The following SGK1 variants were observed in gnomAD, a reference collection of about 807,000 sequenced individuals.
The protein encoded by SGK1 is serum/glucocorticoid regulated kinase 1, also known as serine/threonine-protein kinase Sgk1.
Under a neutral mutation model 64.2 loss-of-function variants are expected in SGK1, and 26 were observed. That is an observed-to-expected ratio of 0.40 (90% CI 0.30 to 0.56). The LOEUF (loss-of-function observed/expected upper bound fraction) is 0.56. SGK1 is among the 20% of genes least tolerant of loss of function. The pLI is 0.38. For missense variants in SGK1, 519 were observed against 645.6 expected (o/e 0.80, Z 2.12); for synonymous variants, 265 against 239.7 (o/e 1.11, Z -0.98).
chr6:134,219,067 C>T (rs1015631607), intron 2 of SGK1, among the ~76,000 whole-genome samples: 14 of 152,122 alleles, frequency 9.2e-5, no homozygotes, highest in African/African-American at 2.9e-4. Context: ...ACTGCAGCCT[C>T]GGTCTCCCAG....
At chr6:134,212,052 GTTTTTTGT>G (rs1189892263) in intron 2 of SGK1, among the ~76,000 whole-genome samples, 125 of 84,940 alleles carry the variant, frequency 1.5e-3, no homozygotes, top group African/African-American at 3.9e-3. Flanking sequence ...TTTGTTTTTT[GTTTTTTGT>G]TTTTTTTGGG....
At chr6:134,304,781 A>C (rs1383158452) in intron 1 of SGK1, among the ~76,000 whole-genome samples, 1 of 152,204 alleles carries the variant, frequency 6.6e-6, no homozygotes, top group Admixed American at 6.5e-5. Flanking sequence ...TGAAAAACAC[A>C]TAAGAGGAGA....
intron 2 of SGK1, among the ~76,000 whole-genome samples, chr6:134,236,674 C>A (rs553663717): frequency 6.6e-6 from 1 of 152,122 alleles, no homozygotes; most frequent in South Asian, 2.1e-4. Flanking sequence ...CACACACAGA[C>A]CCACACACAA....
chr6:134,197,886 TAAA>T lies in SGK1; in HGVS notation c.361+9467_361+9469del, dbSNP rs1562247655. Among the ~76,000 whole-genome samples the T allele has an allele frequency of 2.1e-4, 18 of 86,940 alleles. 1 individual carries two copies. The highest frequency in any genetic ancestry group is 9.0e-4 in the East Asian group (4 of 4,456). 57.0% of individuals were successfully genotyped at this position (86,940 alleles called of 152,430 possible). ...AATTAAAATAAAATAAAATATAAAA[TAAA>T]ATAAAATAAAATATAAAATAAAATA... On this transcript the variant is annotated intron_variant, in intron 3 of 13. Coordinates refer to ENST00000367858, the MANE Select transcript of SGK1 (RefSeq NM_001143676.3).
In SGK1 at chr6:134,269,010, TA is replaced by T. The variant is rs1158465170; in HGVS notation, c.70-6863del. On this transcript the variant is annotated intron_variant, in intron 1 of 13. Transcript: ENST00000367858. ...AGTCTAGAAAATTGCCAGATGTGAT[TA>T]AAGAGATTGGCTGGCTTCTAGGGAT... is the stretch of plus-strand genomic sequence containing the variant. Among the ~76,000 whole-genome samples the T allele has an allele frequency of 1.4e-5, 2 of 147,058 alleles. 1 individual carries two copies. Among genetic ancestry groups the T allele is most frequent in the East Asian group, 4.9e-4 (2 of 4,100 alleles).
chr6:134,286,760 C>A (rs1460066881), intron 1 of SGK1, among the ~76,000 whole-genome samples: 1 of 152,050 alleles, frequency 6.6e-6, no homozygotes, highest in African/African-American at 2.4e-5. Context: ...AGCCACTGTG[C>A]CTGGCCTAAA....
chr6:134,206,369 ATATATATATATATATTTTTTTTTTTTT>A (rs1465326993), intron 3 of SGK1, among the ~76,000 whole-genome samples: 10 of 7,490 alleles, frequency 1.3e-3, no homozygotes, highest in African/African-American at 2.7e-3. Context: ...ATATATATAT[ATATATATATATATATTTTTTTTTTTTT>A]TTTTTTTTTT....
At position 134,177,952 on chromosome 6, in the gene SGK1, A is replaced by T. The variant is rs975970724; in HGVS notation, c.362-3366T>A. 157 of 895,052 alleles carry T rather than the reference A, an allele frequency of 1.8e-4. 4 individuals carry two copies. Among genetic ancestry groups the T allele is most frequent in the Non-Finnish European group, 4.5e-5 (27 of 600,682 alleles). The allele number at this position is 895,052 out of a possible 1,614,324, so 55.4% of individuals were successfully genotyped here. On this transcript the variant is annotated intron_variant, in intron 3 of 13. Transcript: ENST00000367858. ...GGCCATTTATTCTCCCCATTGCGACATCACTCAGAAAATTACAGTCATCAG... is the reference window on the plus strand; with the variant it reads ...GGCCATTTATTCTCCCCATTGCGACTTCACTCAGAAAATTACAGTCATCAG...
chr6:134,180,292 C>A (rs988021929), intron 3 of SGK1: 1 of 152,082 alleles, frequency 6.6e-6, no homozygotes, highest in African/African-American at 2.4e-5. Context: ...ACAAACAGAT[C>A]TTTCTCAGGC....
At chr6:134,282,378 C>T (rs1777106782) in intron 1 of SGK1, among the ~76,000 whole-genome samples, 1 of 152,028 alleles carries the variant, frequency 6.6e-6, no homozygotes, top group Admixed American at 6.6e-5. Flanking sequence ...TATCAGTGAG[C>T]ATGCTGGCTC....
intron 3 of SGK1, among the ~76,000 whole-genome samples, chr6:134,198,302 T>C (rs1743957): frequency 0.54 from 81,912 of 152,032 alleles, 22,912 homozygotes; most frequent in Non-Finnish European, 0.61. Context: ...ATCTGTAATA[T>C]CAGGAGGCAA....
chr6:134,230,768 CT>C (rs1776265320), intron 2 of SGK1, among the ~76,000 whole-genome samples: 2 of 152,172 alleles, frequency 1.3e-5, no homozygotes, highest in South Asian at 4.1e-4. Flanking sequence ...AATCCCAGCA[CT>C]TTCGGAGGCC....
chr6:134,227,145 T>A (rs1363472839), intron 2 of SGK1, among the ~76,000 whole-genome samples: 1 of 152,136 alleles, frequency 6.6e-6, no homozygotes, highest in Non-Finnish European at 1.5e-5. Context: ...TTATTTATTT[T>A]TTTGAGATGG....
intron 2 of SGK1, among the ~76,000 whole-genome samples, chr6:134,229,927 A>T (rs1412495403): frequency 1.3e-5 from 2 of 152,222 alleles, no homozygotes. Flanking sequence ...TTCTAAGCTT[A>T]ATCTTTCTTT....
chr6:134,175,024 T>G (rs1301264892), intron 3 of SGK1: 7 of 905,356 alleles, frequency 7.7e-6, no homozygotes, highest in Admixed American at 7.3e-5. Flanking sequence ...GGCGGTTCTG[T>G]CCCCATTGAG....
chr6:134,216,145 G>A (rs965827433), intron 2 of SGK1, among the ~76,000 whole-genome samples: 3 of 152,168 alleles, frequency 2.0e-5, no homozygotes, highest in African/African-American at 7.2e-5. Context: ...CACCTCTGAT[G>A]AAGATAGAGA....
At chr6:134,276,766 G>A (rs1777023207) in intron 1 of SGK1, among the ~76,000 whole-genome samples, 2 of 152,104 alleles carry the variant, frequency 1.3e-5, no homozygotes, top group Admixed American at 1.3e-4. Context: ...AAAAATGCAG[G>A]CTCAGCTGTG....
At chr6:134,260,946 T>A (rs1159883662) in intron 2 of SGK1, 4 of 152,210 alleles carry the variant, frequency 2.6e-5, no homozygotes, top group Admixed American at 1.3e-4. Context: ...ATTGTATTTT[T>A]ATGTCAGTAT....
At chr6:134,253,652 C>CA (rs1398043725) in intron 2 of SGK1, among the ~76,000 whole-genome samples, 2 of 151,822 alleles carry the variant, frequency 1.3e-5, no homozygotes, top group East Asian at 3.9e-4. Flanking sequence ...GACCTTGTCT[C>CA]AAAAAAATAA....
Sources: allele counts gnomAD v4.1 joint callset (sites outside exome capture counted in the v4.1 genomes callset), GRCh38; gene constraint gnomAD v4.1.1; transcripts MANE v1.5; gene names NCBI Gene and HGNC (gene_info 2026-07-23, HGNC 2026-07-21).